The following ZNF260 variants were observed in gnomAD, a reference collection of about 807,000 sequenced individuals.
ZNF260 encodes the protein zinc finger protein 260.
In ZNF260, 21 loss-of-function variants were observed where a neutral mutation model predicts 29.3. The observed-to-expected ratio is 0.72, with a 90% confidence interval of 0.51 to 1.03. The LOEUF (loss-of-function observed/expected upper bound fraction) is 1.03. Among genes scored for constraint, ZNF260 ranks in the 50% least tolerant of loss-of-function variants. ZNF260 has a pLI of 0.00. For synonymous variants in ZNF260, 156 were observed against 156.8 expected, an observed-to-expected ratio of 0.99 and a Z score of 0.04; for missense variants, 465 against 487.8, an observed-to-expected ratio of 0.95 and a Z score of 0.44.
intron 1 of ZNF260, among the ~76,000 whole-genome samples, chr19:36,526,250 C>G (rs1568556351): frequency 6.6e-6 from 1 of 152,038 alleles, no homozygotes; most frequent in African/African-American, 2.4e-5. Flanking sequence ...CCTTATACTT[C>G]AAATATAAAG....
chr19:36,517,287 T>C (rs1158436257), intron 2 of ZNF260: 2 of 152,504 alleles, frequency 1.3e-5, no homozygotes, highest in Non-Finnish European at 2.9e-5. Flanking sequence ...CTTAGTTACT[T>C]GGGAGGTTGA....
In ZNF260 at chr19:36,515,328, G is replaced by A. The variant is rs1012357645; in HGVS notation, c.-90C>T. The A allele has an allele frequency of 1.3e-5, 17 of 1,302,794 alleles. No homozygotes were observed. In the African/African-American group the frequency reaches 1.3e-4, roughly 10 times the overall value. The allele number at this position is 1,302,794 out of a possible 1,614,324, so 80.7% of individuals were successfully genotyped here. On this transcript the variant is annotated 5_prime_UTR_variant, in exon 3 of 3. Transcript: ENST00000523638. ...CCCACATTCACTAAATTCATATGGT[G>A]TATTTTCAATATTAATTCTCAGGTA...
chr19:36,515,231 C>T lies in ZNF260; in HGVS notation c.8G>A (p.Gly3Asp). Residue 3 changes from glycine to aspartate, a missense_variant, in exon 3 of 3, where the codon GGC becomes GAC. Physicochemically the swap from Gly to Asp is moderately conservative, Grantham distance 94. Coordinates refer to ENST00000523638, the MANE Select transcript of ZNF260 (RefSeq NM_001166037.2). The stretch of plus-strand genomic sequence containing the variant: ...TTCATGCTGAAGACTTTCCAACATG[C>T]CTATCATGCATGTGAATTTAATCAG... MI[G>D]MLESLQHESD... 1 of 1,558,846 alleles carries T rather than the reference C, an allele frequency of 6.4e-7. No homozygotes were observed.
rs1291721077 is a variant in ZNF260 at position 36,514,344 on chromosome 19, T to C, written c.895A>G (p.Thr299Ala). The C allele has an allele frequency of 2.5e-6, 4 of 1,614,034 alleles. No individual in the cohort carries two copies. Among genetic ancestry groups the C allele is most frequent in the Non-Finnish European group, 3.4e-6 (4 of 1,180,024 alleles). ...QYLIKHHNIHTGEKPYECNKC... is the reference protein window; with the variant it reads ...QYLIKHHNIHAGEKPYECNKC... ...TTACATTCATAGGGTTTCTCTCCTG[T>C]ATGAATATTGTGATGTTTAATGAGG... Residue 299 changes from threonine (T) to alanine (A), a missense_variant, in exon 3 of 3, where the codon ACA becomes GCA. Thr to Ala is a moderately conservative substitution (Grantham distance 58, BLOSUM62 0). Transcript: ENST00000523638.
chr19:36,528,156 A>G (rs1449182757), intron 1 of ZNF260, 63 bp downstream of exon 1: 1 of 123,744 alleles, frequency 8.1e-6, no homozygotes, highest in Non-Finnish European at 1.9e-5. Context: ...CCTCCCCTCC[A>G]GCGTCCCTGG....
chr19:36,513,146 A>G lies in ZNF260; in HGVS notation c.*854T>C, dbSNP rs184915682. The G allele has an allele frequency of 2.0e-5, 3 of 152,246 alleles. No homozygotes were observed. Among genetic ancestry groups the G allele is most frequent in the African/African-American group, 7.2e-5 (3 of 41,566 alleles). The allele number at this position is 152,246 out of a possible 1,614,324, so 9.4% of individuals were successfully genotyped here. A position where few individuals can be genotyped will look rare whatever the true frequency, so the allele number is the denominator to read the frequency against. Reference sequence around the variant, plus strand: ...CTGTAAACTAAATTTTATCATAGGTATGTATATATAAGAAAAAAACATAGA... The same window carrying G: ...CTGTAAACTAAATTTTATCATAGGTGTGTATATATAAGAAAAAAACATAGA... On this transcript the variant is annotated 3_prime_UTR_variant, in exon 3 of 3. Transcript: ENST00000523638.
chr19:36,521,072 C>T (rs1445138182), intron 2 of ZNF260, among the ~76,000 whole-genome samples: 1 of 146,686 alleles, frequency 6.8e-6, no homozygotes, highest in South Asian at 2.2e-4. Flanking sequence ...CAGAGTAAGA[C>T]CTTGTCTCAA....
At chr19:36,526,722 C>T (rs1568556663) in intron 1 of ZNF260, among the ~76,000 whole-genome samples, 1 of 152,122 alleles carries the variant, frequency 6.6e-6, no homozygotes, top group East Asian at 1.9e-4. Context: ...TGTACACGTA[C>T]AGATACAACC....
At chr19:36,521,589 C>A (rs767555614) in intron 2 of ZNF260, among the ~76,000 whole-genome samples, 79 of 151,060 alleles carry the variant, frequency 5.2e-4, no homozygotes, top group Middle Eastern at 3.2e-3. Flanking sequence ...TCTGTCTCTA[C>A]TAAAAATACA....
At chr19:36,527,550 G>T (rs549997409) in intron 1 of ZNF260, among the ~76,000 whole-genome samples, 1 of 152,254 alleles carries the variant, frequency 6.6e-6, no homozygotes, top group Non-Finnish European at 1.5e-5. Flanking sequence ...GGAGTTTCTT[G>T]ACCTCTGCGC....
intron 2 of ZNF260, among the ~76,000 whole-genome samples, chr19:36,523,348 C>T (rs2034676499): frequency 6.6e-6 from 1 of 152,080 alleles, no homozygotes; most frequent in African/African-American, 2.4e-5. Context: ...CTTTACAGTT[C>T]TCAACACAGC....
chr19:36,524,935 AG>A (rs2034709681), intron 2 of ZNF260, among the ~76,000 whole-genome samples: 2 of 152,196 alleles, frequency 1.3e-5, no homozygotes, highest in South Asian at 4.1e-4. Context: ...TCAGTCCTCT[AG>A]AATCTGATAA....
chr19:36,515,097 T>A lies in ZNF260; in HGVS notation c.142A>T (p.Met48Leu). 1 of 1,614,122 alleles carries A rather than the reference T, an allele frequency of 6.2e-7. No homozygotes were observed. Among genetic ancestry groups the A allele is most frequent in the Non-Finnish European group, 8.5e-7 (1 of 1,180,008 alleles). ...LKQNLVEHKK[M>L]HTGEKSHECT... The stretch of plus-strand genomic sequence containing the variant: ...TCATGAGATTTCTCTCCAGTATGCA[T>A]TTTCTTATGCTCTACAAGGTTTTGC... Residue 48 changes from methionine (M) to leucine (L), a missense_variant, in exon 3 of 3, where the codon ATG (methionine) becomes TTG (leucine). Met to Leu is a conservative substitution (Grantham distance 15). Coordinates refer to ENST00000523638, the MANE Select transcript of ZNF260 (RefSeq NM_001166037.2).
intron 1 of ZNF260, among the ~76,000 whole-genome samples, chr19:36,526,485 A>G (rs2034736010): frequency 6.6e-6 from 1 of 152,194 alleles, no homozygotes; most frequent in Non-Finnish European, 1.5e-5. Flanking sequence ...GGTGGCAGTG[A>G]GCCGAGATTG....
intron 2 of ZNF260, among the ~76,000 whole-genome samples, chr19:36,523,167 T>C (rs1423397247): frequency 6.6e-6 from 1 of 152,206 alleles, no homozygotes; most frequent in East Asian, 1.9e-4. Flanking sequence ...CTCATTCTCC[T>C]TGCTGCTCAA....
intron 2 of ZNF260, among the ~76,000 whole-genome samples, chr19:36,516,906 G>A (rs997944701): frequency 2.0e-5 from 3 of 152,164 alleles, no homozygotes; most frequent in Non-Finnish European, 4.4e-5. Flanking sequence ...TAAGGAATCG[G>A]TGAGAAACAG....
In ZNF260 at chr19:36,515,436, G is replaced by T; in HGVS notation, c.-198C>A. ...AGATGATTACAAAAAGGGATAAAATGTAACATTCTCTTTATATTCTTAATG... is the reference window on the plus strand; with the variant it reads ...AGATGATTACAAAAAGGGATAAAATTTAACATTCTCTTTATATTCTTAATG... On this transcript the variant is annotated 5_prime_UTR_variant, in exon 3 of 3. Transcript: ENST00000523638. 1 of 528,576 alleles carries T rather than the reference G, an allele frequency of 1.9e-6. No homozygotes were observed. Among genetic ancestry groups the T allele is most frequent in the East Asian group, 3.1e-5 (1 of 31,986 alleles). The allele number at this position is 528,576 out of a possible 1,614,324, so 32.7% of individuals were successfully genotyped here.
At chr19:36,527,300 T>G (rs17707021) in intron 1 of ZNF260, among the ~76,000 whole-genome samples, 26,420 of 152,216 alleles carry the variant, frequency 0.17, 2,514 homozygotes, top group Non-Finnish European at 0.22. Flanking sequence ...TTACTTTTTC[T>G]GTATATTTCA....
chr19:36,524,112 C>A (rs2034688393), intron 2 of ZNF260, among the ~76,000 whole-genome samples: 1 of 151,956 alleles, frequency 6.6e-6, no homozygotes, highest in African/African-American at 2.4e-5. Flanking sequence ...AATCTACTTG[C>A]TAGTCTTTGA....
Sources: allele counts gnomAD v4.1 joint callset (sites outside exome capture counted in the v4.1 genomes callset), GRCh38; gene constraint gnomAD v4.1.1; transcripts MANE v1.5; gene names NCBI Gene and HGNC (gene_info 2026-07-23, HGNC 2026-07-21).